Variants in STIMATE observed in about 807,000 individuals in gnomAD.
The protein encoded by STIMATE is store-operated calcium entry regulator STIMATE.
In STIMATE, 15 loss-of-function variants were observed where a neutral mutation model predicts 36.7. The observed-to-expected ratio is 0.41, with a 90% CI of 0.27 to 0.63. The LOEUF (loss-of-function observed/expected upper bound fraction) is 0.63. Among genes scored for constraint, STIMATE ranks in the 20% least tolerant of loss-of-function variants. STIMATE has a pLI of 0.32. For synonymous variants in STIMATE, 163 were observed against 162.3 expected (o/e 1.00, Z -0.03); for missense variants, 305 against 397.3 (o/e 0.77, Z 1.98).
At chr3:52,887,911 A>G (rs1038726426) in intron 1 of STIMATE, among the ~76,000 whole-genome samples, 16 of 151,850 alleles carry the variant, frequency 1.1e-4, no homozygotes, top group African/African-American at 3.9e-4. Context: ...ACACACTGGG[A>G]AAAAATTCAA....
chr3:52,847,568 C>A (rs1470292841), intron 4 of STIMATE: 1 of 1,288,730 alleles, frequency 7.8e-7, no homozygotes, highest in African/African-American at 1.5e-5. Context: ...ACAAAAGACA[C>A]ATCCTAGAAA....
chr3:52,843,272 C>A (rs1018210227), intron 6 of STIMATE: 7 of 427,432 alleles, frequency 1.6e-5, no homozygotes, highest in Non-Finnish European at 3.0e-5. Flanking sequence ...GGCCCCTCCC[C>A]ACAGACTCCA....
intron 1 of STIMATE, among the ~76,000 whole-genome samples, chr3:52,879,922 C>T (rs992775635): frequency 9.9e-5 from 15 of 152,202 alleles, no homozygotes; most frequent in Non-Finnish European, 2.1e-4. Context: ...TGAGGGGAAG[C>T]CACCAGAGCC....
chr3:52,850,005 C>T (rs1700970461), intron 3 of STIMATE, 92 bp from the exon 4 acceptor site: 3 of 1,486,184 alleles, frequency 2.0e-6, no homozygotes, highest in East Asian at 2.5e-5. Flanking sequence ...AGCGGATGGA[C>T]CCAGCATTTG....
intron 7 of STIMATE, 90 bp from the exon 8 acceptor site, chr3:52,840,700 G>GT (rs71901519): frequency 0.019 from 15,161 of 794,290 alleles, 20 homozygotes; most frequent in African/African-American, 0.044. Flanking sequence ...CAAGTCTCAT[G>GT]TTTTTTTTTT....
chr3:52,863,468 A>G (rs1001230284), intron 1 of STIMATE, among the ~76,000 whole-genome samples: 2 of 152,314 alleles, frequency 1.3e-5, no homozygotes, highest in African/African-American at 4.8e-5. Flanking sequence ...CTCCCGCAAC[A>G]TGTGGGAATT....
chr3:52,857,243 G>A (rs1468721848), intron 1 of STIMATE, among the ~76,000 whole-genome samples: 2 of 152,174 alleles, frequency 1.3e-5, no homozygotes, highest in African/African-American at 2.4e-5. Context: ...AGAGATCAAC[G>A]AGCAGGTGAA....
intron 2 of STIMATE, among the ~76,000 whole-genome samples, chr3:52,853,973 C>T (rs1396191797): frequency 1.3e-5 from 2 of 152,162 alleles, no homozygotes; most frequent in Non-Finnish European, 2.9e-5. Flanking sequence ...GTCTTTAGAA[C>T]CTACTTCTGA....
Position 52,836,766 on chromosome 3 carries a change from A to C in STIMATE, c.*3728T>G. ...TAAAAAAAACTGTAATAAGATGCCA[A>C]ACTTTATTGTAAACCATTTTACAAT... On this transcript the variant is annotated 3_prime_UTR_variant, in exon 8 of 8. Coordinates refer to ENST00000355083, the MANE Select transcript of STIMATE (RefSeq NM_198563.5). 2.8e-6 allele frequency: 1 copy of C among 356,460 alleles called. No homozygotes were observed. Among genetic ancestry groups the C allele is most frequent in the Non-Finnish European group, 5.7e-6 (1 of 176,548 alleles). 22.1% of individuals were successfully genotyped at this position (356,460 alleles called of 1,614,324 possible). A position where few individuals can be genotyped will look rare whatever the true frequency, so the allele number is the denominator to read the frequency against.
rs750177751 is a variant in STIMATE at position 52,842,843 on chromosome 3, T to C, written c.736A>G (p.Arg246Gly). Residue 246 changes from arginine (R) to glycine (G), a missense_variant, in exon 7 of 8, where the codon AGG becomes GGG. Coordinates refer to ENST00000355083, the MANE Select transcript of STIMATE (RefSeq NM_198563.5). ...SRNGSKVRYR[R>G]AASHEESESE... Reference sequence around the variant, plus strand: ...TCAGACTCCTCGTGGGATGCGGCCCTCCGGTAGCGGACCTTGCTCCCATTC... The same window carrying C: ...TCAGACTCCTCGTGGGATGCGGCCCCCCGGTAGCGGACCTTGCTCCCATTC... 3.7e-6 allele frequency: 6 copies of C among 1,614,238 alleles called. No homozygotes were observed. The highest frequency in any genetic ancestry group is 5.1e-6 in the Non-Finnish European group (6 of 1,180,042).
intron 3 of STIMATE, among the ~76,000 whole-genome samples, chr3:52,851,448 T>C (rs1700995632): frequency 6.6e-6 from 1 of 152,232 alleles, no homozygotes; most frequent in African/African-American, 2.4e-5. Flanking sequence ...GCTGGAGCTT[T>C]GGTGATGTGC....
intron 1 of STIMATE, among the ~76,000 whole-genome samples, chr3:52,862,350 T>C (rs1701231956): frequency 6.6e-6 from 1 of 152,232 alleles, no homozygotes; most frequent in Non-Finnish European, 1.5e-5. Context: ...TCTCTTCAAC[T>C]GCCTTTCCTA....
rs766637974 is a variant in STIMATE, at chr3:52,840,448, C to T, written c.*46G>A. 3 of 1,601,986 alleles carry T rather than the reference C, an allele frequency of 1.9e-6. No homozygotes were observed. The highest frequency in any genetic ancestry group is 1.3e-5 in the African/African-American group (1 of 74,864). On this transcript the variant is annotated 3_prime_UTR_variant, in exon 8 of 8. Coordinates refer to ENST00000355083, the MANE Select transcript of STIMATE (RefSeq NM_198563.5). Reference sequence around the variant, plus strand: ...GATGCTGCGGGATGACCTCTGCACACCAGCGGCTGGCGGGGCCCTCCCGTC... The same window carrying T: ...GATGCTGCGGGATGACCTCTGCACATCAGCGGCTGGCGGGGCCCTCCCGTC...
intron 1 of STIMATE, among the ~76,000 whole-genome samples, chr3:52,879,367 T>C (rs1701564648): frequency 6.6e-6 from 1 of 152,106 alleles, no homozygotes; most frequent in Admixed American, 6.5e-5. Flanking sequence ...TGAGCTAAAA[T>C]ACCTGTAGCC....
intron 1 of STIMATE, among the ~76,000 whole-genome samples, chr3:52,887,437 A>T (rs1489054020): frequency 1.3e-5 from 2 of 152,354 alleles, no homozygotes; most frequent in Middle Eastern, 3.4e-3. Flanking sequence ...TGTTTGCGGC[A>T]CAGGAAAAGC....
intron 1 of STIMATE, among the ~76,000 whole-genome samples, chr3:52,858,443 T>C (rs1701146169): frequency 6.6e-6 from 1 of 151,944 alleles, no homozygotes; most frequent in African/African-American, 2.4e-5. Context: ...GGCAACACCG[T>C]GAGACTCCAT....
intron 1 of STIMATE, among the ~76,000 whole-genome samples, chr3:52,868,812 G>T (rs1418514401): frequency 6.6e-6 from 1 of 152,072 alleles, no homozygotes; most frequent in Non-Finnish European, 1.5e-5. Flanking sequence ...GGTAGACAAG[G>T]TTTTACCGTG....
chr3:52,868,769 C>A (rs1448374356), intron 1 of STIMATE, among the ~76,000 whole-genome samples: 1 of 152,138 alleles, frequency 6.6e-6, no homozygotes, highest in African/African-American at 2.4e-5. Flanking sequence ...ATTACAGGCA[C>A]GCGCCACCAT....
At chr3:52,847,740 G>A (rs1229104860) in intron 4 of STIMATE, among the ~76,000 whole-genome samples, 1 of 152,142 alleles carries the variant, frequency 6.6e-6, no homozygotes, top group African/African-American at 2.4e-5. Context: ...CATAGCAAAG[G>A]GGAATTGAGG....
Sources: allele counts gnomAD v4.1 joint callset (sites outside exome capture counted in the v4.1 genomes callset), GRCh38; gene constraint gnomAD v4.1.1; transcripts MANE v1.5; gene names NCBI Gene and HGNC (gene_info 2026-07-23, HGNC 2026-07-21).